The following CSMD3 variants were observed in gnomAD, a reference collection of about 807,000 sequenced individuals.
CSMD3 encodes CUB and Sushi multiple domains 3.
Under a neutral mutation model 435.2 loss-of-function variants are expected in CSMD3, and 177 were observed. The observed-to-expected ratio is 0.41, with a 90% CI of 0.36 to 0.46. The LOEUF is 0.46. Among genes scored for constraint, CSMD3 ranks in the 20% least tolerant of loss-of-function variants. The pLI, the probability that CSMD3 is intolerant of heterozygous loss-of-function variation, is 0.34. For missense variants in CSMD3, 4,265 were observed against 4,504.6 expected (o/e 0.95, Z 1.52); for synonymous variants, 1,656 against 1,520.5 (o/e 1.09, Z -2.07).
chr8:112,798,223 C>T (rs2078874260), intron 13 of CSMD3, among the ~76,000 whole-genome samples: 1 of 151,662 alleles, frequency 6.6e-6, no homozygotes, highest in Non-Finnish European at 1.5e-5. Flanking sequence ...TCCAAAGAAG[C>T]AGAGTTGTGA....
In CSMD3 at chr8:113,370,134, T is replaced by C. The variant is rs184926745; in HGVS notation, c.179-55341A>G. On this transcript the variant is annotated intron_variant, in intron 1 of 70. Coordinates refer to ENST00000297405, the MANE Select transcript of CSMD3 (RefSeq NM_198123.2). ...CTAAATTTCATAATTACACAATGTA[T>C]ATATACTTCAAAATATCATGTTGTA... Among the ~76,000 whole-genome samples, 110 of 151,652 alleles carry C rather than the reference T, an allele frequency of 7.3e-4. 2 individuals carry two copies. The highest frequency in any genetic ancestry group is 6.7e-3 in the Admixed American group (102 of 15,236).
At chr8:112,313,253 C>A (rs777551211) in intron 49 of CSMD3, among the ~76,000 whole-genome samples, 1 of 152,128 alleles carries the variant, frequency 6.6e-6, no homozygotes, top group Non-Finnish European at 1.5e-5. Flanking sequence ...CAGCCTACAT[C>A]TTTCTAAGCA....
intron 13 of CSMD3, among the ~76,000 whole-genome samples, chr8:112,766,711 T>C (rs985587172): frequency 1.3e-5 from 2 of 151,824 alleles, no homozygotes; most frequent in Admixed American, 6.6e-5. Context: ...TTTCCTTTGA[T>C]AGTTGGCCAC....
At chr8:113,246,852 C>T (rs1213138702) in intron 3 of CSMD3, among the ~76,000 whole-genome samples, 4 of 152,108 alleles carry the variant, frequency 2.6e-5, no homozygotes, top group East Asian at 3.9e-4. Context: ...TAAGATTGAA[C>T]GGAGATTTAT....
At chr8:112,464,920 G>A (rs905966711) in intron 32 of CSMD3, among the ~76,000 whole-genome samples, 2 of 152,122 alleles carry the variant, frequency 1.3e-5, no homozygotes, top group African/African-American at 4.8e-5. Flanking sequence ...CAGCGTTATT[G>A]CCTTACCTAA....
chr8:112,263,531 T>C, intron 61 of CSMD3, 108 bp downstream of exon 61: 1 of 864,004 alleles, frequency 1.2e-6, no homozygotes, highest in Admixed American at 2.0e-5. Flanking sequence ...AAATACTGAT[T>C]TTTCTTTGAA....
chr8:113,145,396 A>G (rs2091649837), intron 4 of CSMD3, among the ~76,000 whole-genome samples: 4 of 151,596 alleles, frequency 2.6e-5, no homozygotes, highest in Admixed American at 2.0e-4. Flanking sequence ...ACAGTATCCT[A>G]TTGTTACAAG....
At chr8:113,357,682 A>G (rs1201605659) in intron 1 of CSMD3, among the ~76,000 whole-genome samples, 1 of 152,192 alleles carries the variant, frequency 6.6e-6, no homozygotes, top group African/African-American at 2.4e-5. Flanking sequence ...TTCCCAATTA[A>G]AATTACAATT....
chr8:112,223,348 T>C lies in CSMD3; in HGVS notation c.*1423A>G, dbSNP rs1812315193. 9.3e-6 allele frequency: 3 copies of C among 322,282 alleles called. No homozygotes were observed. In the East Asian group the frequency reaches 1.3e-4, roughly 14 times the overall value. The allele number at this position is 322,282 out of a possible 1,614,324, so 20.0% of individuals were successfully genotyped here. A position where few individuals can be genotyped will look rare whatever the true frequency, so the allele number is the denominator to read the frequency against. On this transcript the variant is annotated 3_prime_UTR_variant, in exon 71 of 71. Coordinates refer to ENST00000297405, the MANE Select transcript of CSMD3 (RefSeq NM_198123.2). ...TTCTCTTAGGCACTCTGTCTCATGA[T>C]ACAAAAAGTCAAGACTGTTCACAGA... is the stretch of plus-strand genomic sequence containing the variant.
At chr8:112,311,383 C>A (rs1465963320) in intron 49 of CSMD3, among the ~76,000 whole-genome samples, 1 of 152,130 alleles carries the variant, frequency 6.6e-6, no homozygotes, top group Non-Finnish European at 1.5e-5. Context: ...AGCTTTCTTC[C>A]AATTTATATT....
intron 27 of CSMD3, among the ~76,000 whole-genome samples, chr8:112,526,278 A>G (rs1303481923): frequency 6.6e-6 from 1 of 152,024 alleles, no homozygotes; most frequent in Non-Finnish European, 1.5e-5. Context: ...TTTATTTGCA[A>G]AATAGTACTT....
intron 4 of CSMD3, among the ~76,000 whole-genome samples, chr8:113,105,591 C>A (rs2090450879): frequency 6.6e-6 from 1 of 152,106 alleles, no homozygotes; most frequent in African/African-American, 2.4e-5. Context: ...ACAAAGCACA[C>A]AGGGCTGAGA....
intron 3 of CSMD3, among the ~76,000 whole-genome samples, chr8:113,268,548 C>T (rs2093491967): frequency 1.3e-5 from 2 of 151,732 alleles, no homozygotes; most frequent in African/African-American, 2.4e-5. Context: ...TAATAGTTCA[C>T]AGATTCGACT....
chr8:112,413,865 G>C (rs1384890100), intron 32 of CSMD3, among the ~76,000 whole-genome samples: 4 of 152,012 alleles, frequency 2.6e-5, no homozygotes, highest in Non-Finnish European at 5.9e-5. Flanking sequence ...GTCTGTCTTT[G>C]CATTGTCCAA....
chr8:112,642,687 A>C (rs573637837), intron 20 of CSMD3, among the ~76,000 whole-genome samples: 1 of 151,878 alleles, frequency 6.6e-6, no homozygotes, highest in African/African-American at 2.4e-5. Context: ...ATGATAAAGC[A>C]TAACAGGGAT....
At chr8:112,404,254 G>T (rs1475026714) in intron 35 of CSMD3, among the ~76,000 whole-genome samples, 1 of 152,156 alleles carries the variant, frequency 6.6e-6, no homozygotes, top group Non-Finnish European at 1.5e-5. Flanking sequence ...ACCTGGCTGG[G>T]TGCGGTGGCT....
intron 24 of CSMD3, among the ~76,000 whole-genome samples, chr8:112,566,033 T>C (rs1487888428): frequency 4.3e-5 from 6 of 140,210 alleles, no homozygotes; most frequent in African/African-American, 1.5e-4. Context: ...ATTATTTCTC[T>C]CTCTCTCTTT....
At chr8:112,805,746 C>T (rs1275601489) in intron 12 of CSMD3, among the ~76,000 whole-genome samples, 2 of 152,134 alleles carry the variant, frequency 1.3e-5, no homozygotes, top group Non-Finnish European at 2.9e-5. Flanking sequence ...GTTTACATTT[C>T]TGTTGCTGTT....
chr8:113,035,494 TGAG>T (rs1367288669), intron 5 of CSMD3, among the ~76,000 whole-genome samples: 1 of 151,892 alleles, frequency 6.6e-6, no homozygotes, highest in East Asian at 1.9e-4. Flanking sequence ...CTGGAGGTAA[TGAG>T]AAGGAAGTAA....
Sources: gnomAD v4.1 joint callset for allele counts (sites outside exome capture counted in the v4.1 genomes callset) on GRCh38, gnomAD v4.1.1 for gene constraint, MANE v1.5 for transcripts, NCBI Gene and HGNC (gene_info 2026-07-23, HGNC 2026-07-21) for gene names.